Variants in ZBTB40 observed in about 807,000 individuals in gnomAD.
ZBTB40 encodes the protein zinc finger and BTB domain containing 40, also known as zinc finger and BTB domain-containing protein 40.
ZBTB40 carries 60 observed loss-of-function variants against 117.5 expected under a neutral mutation model. The observed-to-expected ratio is 0.51, with a 90% CI of 0.41 to 0.63. The LOEUF (loss-of-function observed/expected upper bound fraction) is 0.63, where lower values mean the gene tolerates loss of function less well. ZBTB40 is among the 30% of genes least tolerant of loss of function. ZBTB40 has a pLI of 0.00. For missense variants in ZBTB40, 1,287 were observed against 1,498.5 expected (o/e 0.86, Z 2.33); for synonymous variants, 525 against 577.1 (o/e 0.91, Z 1.29).
intron 1 of ZBTB40, among the ~76,000 whole-genome samples, chr1:22,456,849 C>T (rs1641015948): frequency 6.6e-6 from 1 of 152,190 alleles, no homozygotes; most frequent in Admixed American, 6.5e-5. Flanking sequence ...ACCTCGTTAG[C>T]AGATATCATA....
intron 1 of ZBTB40, among the ~76,000 whole-genome samples, chr1:22,433,158 G>T (rs1468659667): frequency 1.3e-5 from 2 of 151,978 alleles, no homozygotes; most frequent in Admixed American, 6.6e-5. Flanking sequence ...GCTAGGCCGG[G>T]TGTGGTGGCT....
At chr1:22,501,829 TGTTAA>T in intron 4 of ZBTB40, 145 bp downstream of exon 4, 1 of 947,944 alleles carries the variant, frequency 1.1e-6, no homozygotes, top group Non-Finnish European at 1.6e-6. Context: ...AGAAGCTGCA[TGTTAA>T]ATATACACCA....
intron 1 of ZBTB40, among the ~76,000 whole-genome samples, chr1:22,431,384 G>GTGTGTGTGTATATATATATA (rs1222294324): frequency 8.4e-6 from 1 of 119,698 alleles, no homozygotes; most frequent in African/African-American, 3.7e-5. Flanking sequence ...GTGTGTGTGT[G>GTGTGTGTGTATATATATATA]TATATATATA....
In ZBTB40 at chr1:22,528,408, C is replaced by T. The variant is rs371071713; in HGVS notation, c.*2012C>T. The T allele has an allele frequency of 7.3e-5, 11 of 149,828 alleles. No individual in the cohort carries two copies. The highest frequency in any genetic ancestry group is 2.5e-4 in the African/African-American group (10 of 40,576). 9.3% of individuals were successfully genotyped at this position (149,828 alleles called of 1,614,324 possible). Reference sequence around the variant, plus strand: ...CAAAACTAGAAATAATTGCTGAGGGCTTATAGGGAAGTGATTTAAAAAGAA... The same window carrying T: ...CAAAACTAGAAATAATTGCTGAGGGTTTATAGGGAAGTGATTTAAAAAGAA... On this transcript the variant is annotated 3_prime_UTR_variant, in exon 18 of 18. Transcript: ENST00000375647.
In ZBTB40 at chr1:22,469,696, C is replaced by G. The variant is rs1036077420; in HGVS notation, c.-70+17692C>G. Among the ~76,000 whole-genome samples, 4 of 152,000 alleles carry G rather than the reference C, an allele frequency of 2.6e-5. No individual in the cohort carries two copies. In the South Asian group the frequency reaches 8.3e-4, roughly 32 times the overall value. On this transcript the variant is annotated intron_variant, in intron 1 of 17. Transcript: ENST00000375647. ...CTCAGCCTCCTGAGTAGCTACCACG[C>G]CCGACTAATTTTTGTATTTTTAGTA... is the stretch of plus-strand genomic sequence containing the variant.
rs530316997 is a variant in ZBTB40 at position 22,475,894 on chromosome 1, C to T, written c.-69-13986C>T. 9.2e-5 allele frequency among the ~76,000 whole-genome samples: 14 copies of T among 152,248 alleles called. No homozygotes were observed. The East Asian group carries it at 1.9e-3, about 21-fold the overall frequency. On this transcript the variant is annotated intron_variant, in intron 1 of 17. Coordinates refer to ENST00000375647, the MANE Select transcript of ZBTB40 (RefSeq NM_014870.4). ...ATGTTACCACTGATTGGTATGAGGA[C>T]GTGTGTATTGCTGGCTGAAGACTTA...
intron 13 of ZBTB40, among the ~76,000 whole-genome samples, chr1:22,518,110 A>G (rs1368500971): frequency 1.3e-5 from 2 of 152,212 alleles, no homozygotes; most frequent in South Asian, 2.1e-4. Context: ...CCATCGGGAA[A>G]TCACCAGCGT....
intron 1 of ZBTB40, among the ~76,000 whole-genome samples, chr1:22,482,071 C>T (rs1638336563): frequency 6.6e-6 from 1 of 151,710 alleles, no homozygotes; most frequent in Non-Finnish European, 1.5e-5. Context: ...AGATAAAAGC[C>T]ACTTACCTCC....
chr1:22,502,410 A>G lies in ZBTB40; in HGVS notation c.1136A>G (p.Lys379Arg). The G allele has an allele frequency of 1.9e-6, 3 of 1,614,142 alleles. No homozygotes were observed. Among genetic ancestry groups the G allele is most frequent in the Non-Finnish European group, 2.5e-6 (3 of 1,179,986 alleles). Residue 379 changes from lysine to arginine, a missense_variant, in exon 5 of 18, where the codon AAG (lysine) becomes AGG (arginine). Lys to Arg is a conservative substitution (Grantham distance 26). Coordinates refer to ENST00000375647, the MANE Select transcript of ZBTB40 (RefSeq NM_014870.4). ...ATTATGGAGTCCCTGGAAACAGCCAAGGAGGAATTCCTGACTGGCACTGAA... is the reference window on the plus strand; with the variant it reads ...ATTATGGAGTCCCTGGAAACAGCCAGGGAGGAATTCCTGACTGGCACTGAA... ...RPIMESLETA[K>R]EEFLTGTEKR...
intron 3 of ZBTB40, among the ~76,000 whole-genome samples, chr1:22,496,553 G>A (rs190165649): frequency 1.3e-5 from 2 of 152,332 alleles, no homozygotes; most frequent in East Asian, 3.9e-4. Flanking sequence ...TCCTTTGAGC[G>A]CCTTCTGTGT....
chr1:22,527,141 T>G lies in ZBTB40; in HGVS notation c.*745T>G, dbSNP rs1176897105. ...TGTCTGCCTTTCCAGGACATTCTTCTTGGTATTCCTTACCTGAAGCCTGGT... is the reference window on the plus strand; with the variant it reads ...TGTCTGCCTTTCCAGGACATTCTTCGTGGTATTCCTTACCTGAAGCCTGGT... On this transcript the variant is annotated 3_prime_UTR_variant, in exon 18 of 18. Coordinates refer to ENST00000375647, the MANE Select transcript of ZBTB40 (RefSeq NM_014870.4). The G allele has an allele frequency of 1.3e-5, 2 of 153,182 alleles. No homozygotes were observed. The highest frequency in any genetic ancestry group is 2.4e-5 in the African/African-American group (1 of 41,482). 9.5% of individuals were successfully genotyped at this position (153,182 alleles called of 1,614,324 possible). A position where few individuals can be genotyped will look rare whatever the true frequency, so the allele number is the denominator to read the frequency against.
intron 1 of ZBTB40, among the ~76,000 whole-genome samples, chr1:22,431,786 A>T (rs1372728360): frequency 2.0e-5 from 3 of 151,540 alleles, no homozygotes; most frequent in African/African-American, 7.3e-5. Flanking sequence ...CTTTGTATGG[A>T]TGCTTTGCTG....
At chr1:22,475,765 A>T (rs144890201) in intron 1 of ZBTB40, among the ~76,000 whole-genome samples, 3 of 152,178 alleles carry the variant, frequency 2.0e-5, no homozygotes, top group African/African-American at 7.2e-5. Context: ...GTGGACAAGG[A>T]TCTTGTTTTA....
At chr1:22,445,687 C>T (rs1640780163) in intron 1 of ZBTB40, among the ~76,000 whole-genome samples, 1 of 152,004 alleles carries the variant, frequency 6.6e-6, no homozygotes, top group African/African-American at 2.4e-5. Flanking sequence ...GAAACCCCAT[C>T]TCTACTAAAA....
intron 1 of ZBTB40, among the ~76,000 whole-genome samples, chr1:22,473,024 G>A (rs1174599591): frequency 1.3e-5 from 2 of 152,196 alleles, no homozygotes; most frequent in Non-Finnish European, 2.9e-5. Context: ...CCAAGGGCAG[G>A]TGCAAAAGAG....
At chr1:22,462,966 G>A (rs1343414914) in intron 1 of ZBTB40, among the ~76,000 whole-genome samples, 1 of 152,116 alleles carries the variant, frequency 6.6e-6, no homozygotes, top group Non-Finnish European at 1.5e-5. Flanking sequence ...TGTATTTTAT[G>A]CTTCCTTTTC....
intron 1 of ZBTB40, among the ~76,000 whole-genome samples, chr1:22,443,859 T>A (rs1322882127): frequency 1.3e-5 from 2 of 152,194 alleles, no homozygotes; most frequent in Non-Finnish European, 2.9e-5. Flanking sequence ...AGTCTTATGA[T>A]CTCTATTTTA....
rs919014653 is a variant in ZBTB40 at position 22,530,317 on chromosome 1, A to C, written c.*3921A>C. ...AAGAGAACAATTTGGGGCTGAAGGG[A>C]GTGTCAGAGGCACGTTGATCCTTGT... On this transcript the variant is annotated 3_prime_UTR_variant, in exon 18 of 18. Coordinates refer to ENST00000375647, the MANE Select transcript of ZBTB40 (RefSeq NM_014870.4). 1 of 152,142 alleles carries C rather than the reference A, an allele frequency of 6.6e-6. No homozygotes were observed. Among genetic ancestry groups the C allele is most frequent in the African/African-American group, 2.4e-5 (1 of 41,384 alleles). 9.4% of individuals were successfully genotyped at this position (152,142 alleles called of 1,614,324 possible).
intron 1 of ZBTB40, among the ~76,000 whole-genome samples, chr1:22,474,579 C>T (rs1176551308): frequency 1.3e-5 from 2 of 152,172 alleles, no homozygotes; most frequent in South Asian, 2.1e-4. Flanking sequence ...TAGCAAACCC[C>T]TCATTTCTTG....
Sources: allele counts gnomAD v4.1 joint callset (sites outside exome capture counted in the v4.1 genomes callset), GRCh38; gene constraint gnomAD v4.1.1; transcripts MANE v1.5; gene names NCBI Gene and HGNC (gene_info 2026-07-23, HGNC 2026-07-21).